WASHC5: variants seen among roughly 807,000 people sequenced by gnomAD.
WASHC5 encodes WASH complex subunit 5.
Under a neutral mutation model 150.4 loss-of-function variants are expected in WASHC5, and 101 were observed. That is an observed-to-expected ratio of 0.67 (90% CI 0.57 to 0.79). WASHC5 has a LOEUF of 0.79. WASHC5 is among the 30% of genes least tolerant of loss of function. WASHC5 has a pLI of 0.00. For synonymous variants in WASHC5, 467 were observed against 491.2 expected, an observed-to-expected ratio of 0.95 and a Z score of 0.65; for missense variants, 1,195 against 1,396.3, an observed-to-expected ratio of 0.86 and a Z score of 2.30.
intron 17 of WASHC5, among the ~76,000 whole-genome samples, chr8:125,053,937 A>G (rs751440287): frequency 2.0e-5 from 3 of 152,204 alleles, no homozygotes; most frequent in Non-Finnish European, 4.4e-5. Flanking sequence ...TGGCCTTCTG[A>G]TATTTCCAAC....
At chr8:125,069,258 T>C (rs751093430) in intron 9 of WASHC5, among the ~76,000 whole-genome samples, 5 of 152,234 alleles carry the variant, frequency 3.3e-5, no homozygotes, top group Non-Finnish European at 5.9e-5. Flanking sequence ...TGACCCTTGC[T>C]AGATGCTGGC....
chr8:125,062,763 T>C (rs1043459299), intron 11 of WASHC5, among the ~76,000 whole-genome samples: 4 of 152,176 alleles, frequency 2.6e-5, no homozygotes, highest in Admixed American at 6.5e-5. Context: ...TAAGCAATTC[T>C]ACAGTATAAT....
chr8:125,028,371 G>A (rs1815429939), intron 28 of WASHC5, among the ~76,000 whole-genome samples: 1 of 152,282 alleles, frequency 6.6e-6, no homozygotes, highest in South Asian at 2.1e-4. Context: ...TGAACCAGAT[G>A]AGTTGCTGAC....
chr8:125,033,052 T>C (rs191980352), intron 26 of WASHC5, among the ~76,000 whole-genome samples: 2 of 151,848 alleles, frequency 1.3e-5, no homozygotes, highest in South Asian at 2.1e-4. Flanking sequence ...TATAGGTGTG[T>C]ACCACTGCAC....
intron 25 of WASHC5, 28 bp downstream of exon 25, chr8:125,038,802 C>T (rs1815791299): frequency 1.2e-6 from 2 of 1,612,594 alleles, no homozygotes; most frequent in South Asian, 2.2e-5. Context: ...TACCCCCATC[C>T]CCGCCATTAT....
At chr8:125,077,307 T>C (rs11985518) in intron 6 of WASHC5, among the ~76,000 whole-genome samples, 20,758 of 152,254 alleles carry the variant, frequency 0.14, 3,569 homozygotes, top group African/African-American at 0.4. Context: ...CTTGATGTGT[T>C]GGCCCACCTT....
intron 5 of WASHC5, among the ~76,000 whole-genome samples, chr8:125,080,957 C>T (rs999341812): frequency 6.6e-6 from 1 of 152,090 alleles, no homozygotes; most frequent in African/African-American, 2.4e-5. Context: ...TTATATCTGC[C>T]AAGGAGTAAT....
In WASHC5 at chr8:125,044,574, C is replaced by CTAGG. The variant is rs1176328482; in HGVS notation, c.2628_2629insCCTA (p.Asp877ProfsTer53). On this transcript the variant is annotated frameshift_variant, in exon 21 of 29. Transcript: ENST00000318410. LOFTEE classifies it high-confidence loss of function. Reference sequence around the variant, plus strand: ...ACAATCATAAAGCACAGAAGCCTGTCTAAGCCATTTAGACCAAAGGTTCCC... The same window carrying CTAGG: ...ACAATCATAAAGCACAGAAGCCTGTCTAGGTAAGCCATTTAGACCAAAGGTTCCC... 2 of 1,614,054 alleles carry CTAGG rather than the reference C, an allele frequency of 1.2e-6. No homozygotes were observed. The highest frequency in any genetic ancestry group is 2.7e-5 in the African/African-American group (2 of 74,938).
intron 1 of WASHC5, among the ~76,000 whole-genome samples, chr8:125,089,054 G>C (rs1289083608): frequency 6.6e-6 from 1 of 152,156 alleles, no homozygotes; most frequent in Non-Finnish European, 1.5e-5. Context: ...TACACATTAA[G>C]GCATACATTA....
chr8:125,068,851 G>A (rs906080994), intron 9 of WASHC5, among the ~76,000 whole-genome samples: 1 of 152,210 alleles, frequency 6.6e-6, no homozygotes, highest in Non-Finnish European at 1.5e-5. Flanking sequence ...ATTCTTAGAT[G>A]ATCCTATCTG....
At chr8:125,062,156 G>T (rs888925327) in intron 11 of WASHC5, among the ~76,000 whole-genome samples, 6 of 152,156 alleles carry the variant, frequency 3.9e-5, no homozygotes, top group Admixed American at 3.3e-4. Flanking sequence ...CGATGGAGTA[G>T]TAGAAAGAGC....
In WASHC5 at chr8:125,073,307, A is replaced by G. The variant is rs1206062439; in HGVS notation, c.996T>C (p.Thr332=). The part of the protein sequence containing the change: ...NVREQASRYA[T]VSERVHAQVQ... Reference sequence around the variant, plus strand: ...CTTGAGCATGCACTCTTTCACTGACAGTAGCATATCTGCTTGCCTTGACAA... The same window carrying G: ...CTTGAGCATGCACTCTTTCACTGACGGTAGCATATCTGCTTGCCTTGACAA... The change falls in exon 9 of 29, where the codon ACT becomes ACC. Residue 332 remains threonine, a synonymous_variant. Coordinates refer to ENST00000318410, the MANE Select transcript of WASHC5 (RefSeq NM_014846.4). 6.2e-7 allele frequency: 1 copy of G among 1,613,956 alleles called. No individual in the cohort carries two copies. Among genetic ancestry groups the G allele is most frequent in the Non-Finnish European group, 8.5e-7 (1 of 1,179,826 alleles).
At chr8:125,047,066 G>T in intron 20 of WASHC5, 141 bp downstream of exon 20, 2 of 996,754 alleles carry the variant, frequency 2.0e-6, no homozygotes, top group Non-Finnish European at 1.6e-6. Context: ...AGGGGTTAGG[G>T]ACCCTTGCCC....
intron 12 of WASHC5, among the ~76,000 whole-genome samples, chr8:125,060,691 T>C (rs905189362): frequency 1.1e-4 from 17 of 152,146 alleles, no homozygotes; most frequent in African/African-American, 3.4e-4. Flanking sequence ...ATATAATTAT[T>C]TTCATTTTTG....
intron 20 of WASHC5, 79 bp from the exon 21 acceptor site, chr8:125,044,777 G>A: frequency 1.4e-6 from 2 of 1,382,544 alleles, no homozygotes; most frequent in East Asian, 2.3e-5. Flanking sequence ...AACAGGACAT[G>A]CGGCACCAAA....
chr8:125,045,104 T>C (rs1007705875), intron 20 of WASHC5: 8 of 208,558 alleles, frequency 3.8e-5, no homozygotes, highest in African/African-American at 1.6e-4. Flanking sequence ...TTCCATTTGA[T>C]AAAAAAGGAA....
At chr8:125,068,603 A>T (rs546474729) in intron 9 of WASHC5, among the ~76,000 whole-genome samples, 1 of 152,286 alleles carries the variant, frequency 6.6e-6, no homozygotes, top group African/African-American at 2.4e-5. Context: ...CCCTGTAGTG[A>T]ATCACTGAAG....
chr8:125,050,791 A>AT (rs1816217877), intron 17 of WASHC5, 126 bp from the exon 18 acceptor site: 1 of 727,036 alleles, frequency 1.4e-6, no homozygotes, highest in Non-Finnish European at 2.4e-6. Context: ...AATGATTTGA[A>AT]TTTTTTCCTT....
intron 11 of WASHC5, among the ~76,000 whole-genome samples, chr8:125,062,045 C>T (rs1033986930): frequency 6.6e-6 from 1 of 151,978 alleles, no homozygotes; most frequent in African/African-American, 2.4e-5. Context: ...TGGGGTGGTC[C>T]CACGTTATTA....
Sources: allele counts gnomAD v4.1 joint callset (sites outside exome capture counted in the v4.1 genomes callset), GRCh38; gene constraint gnomAD v4.1.1; transcripts MANE v1.5; gene names NCBI Gene and HGNC (gene_info 2026-07-23, HGNC 2026-07-21).